The following FAM234A variants were observed in gnomAD, a reference collection of about 807,000 sequenced individuals.
FAM234A encodes family with sequence similarity 234 member A, also known as protein FAM234A.
A neutral mutation model predicts 49.1 loss-of-function variants in FAM234A; 42 were observed. That is an observed-to-expected ratio of 0.86 (90% CI 0.67 to 1.11). FAM234A has a LOEUF of 1.11. FAM234A is among the 50% of genes least tolerant of loss of function. FAM234A has a pLI of 0.00. For synonymous variants in FAM234A, 369 were observed against 316.2 expected (o/e 1.17, Z -1.77); for missense variants, 815 against 745.2 (o/e 1.09, Z -1.09).
intron 2 of FAM234A, among the ~76,000 whole-genome samples, chr16:250,909 T>C (rs536765083): frequency 5.9e-5 from 9 of 152,346 alleles, no homozygotes; most frequent in African/African-American, 1.9e-4. Context: ...GGTGTAATTA[T>C]GCACTGTATT....
intron 5 of FAM234A, 126 bp from the exon 6 acceptor site, chr16:261,258 C>T (rs1596839601): frequency 1.8e-6 from 2 of 1,083,664 alleles, no homozygotes; most frequent in East Asian, 4.8e-5. Flanking sequence ...TCTGAGTGTG[C>T]AGTGAGCCGT....
At chr16:256,585 T>G (rs1244396732) in intron 3 of FAM234A, among the ~76,000 whole-genome samples, 2 of 151,914 alleles carry the variant, frequency 1.3e-5, no homozygotes, top group East Asian at 3.8e-4. Context: ...TTATTTATTT[T>G]TTGAGATGGA....
At position 262,503 on chromosome 16, in the gene FAM234A, G is replaced by T; in HGVS notation, c.921G>T (p.Pro307=). 7 of 1,612,260 alleles carry T rather than the reference G, an allele frequency of 4.3e-6. No individual in the cohort carries two copies. The highest frequency in any genetic ancestry group is 5.1e-6 in the Non-Finnish European group (6 of 1,179,236). Residue 307 remains proline (P), a synonymous_variant, in exon 8 of 13, where the codon CCG becomes CCT. Transcript: ENST00000399932. The stretch of plus-strand genomic sequence containing the variant: ...GCGGCGGCCCGTTCAAGAGTGACCC[G>T]CACTGGGAGAGCATGCTCAATGCCA... ...TGSGGPFKSD[P]HWESMLNATT... is the part of the protein sequence containing the mutation.
At chr16:253,449 A>G (rs1021369645) in intron 2 of FAM234A, among the ~76,000 whole-genome samples, 10 of 152,056 alleles carry the variant, frequency 6.6e-5, no homozygotes, top group African/African-American at 2.4e-4. Context: ...ACTGTGTATC[A>G]TATGATCTTA....
chr16:262,470 G>T lies in FAM234A; in HGVS notation c.888G>T (p.Val296=). The change falls in exon 8 of 13, where the codon GTG becomes GTT. Residue 296 remains valine (V), a synonymous_variant. Transcript: ENST00000399932. The part of the protein sequence containing the change: ...GCSVKGLYEK[V]TGSGGPFKSD... The stretch of plus-strand genomic sequence containing the variant: ...CTGTGAAGGGTCTCTACGAGAAGGT[G>T]ACCGGGAGCGGCGGCCCGTTCAAGA... The T allele has an allele frequency of 1.2e-6, 2 of 1,612,346 alleles. No homozygotes were observed. Among genetic ancestry groups the T allele is most frequent in the Non-Finnish European group, 8.5e-7 (1 of 1,179,204 alleles).
chr16:248,912 C>T (rs910252019), intron 1 of FAM234A, among the ~76,000 whole-genome samples: 6 of 151,962 alleles, frequency 3.9e-5, no homozygotes, highest in African/African-American at 1.5e-4. Flanking sequence ...TGAGGCAGTG[C>T]ACCTGGCCCT....
intron 1 of FAM234A, among the ~76,000 whole-genome samples, chr16:237,643 T>C (rs2050449874): frequency 6.6e-6 from 1 of 151,930 alleles, no homozygotes; most frequent in Admixed American, 6.6e-5. Context: ...ATGGTAATTA[T>C]CTTCCCTTAG....
At position 254,653 on chromosome 16, in the gene FAM234A, A is replaced by C. The variant is rs2051159037; in HGVS notation, c.240A>C (p.Arg80=). The C allele has an allele frequency of 6.2e-7, 1 of 1,612,680 alleles. No homozygotes were observed. Among genetic ancestry groups the C allele is most frequent in the East Asian group, 2.2e-5 (1 of 44,780 alleles). ...IPCPDRPASQ[R]MWRIDYSAAV... ...GTCCAGACCGGCCGGCGTCACAGCG[A>C]ATGTGGAGGATAGACTACAGTGCCG... is the stretch of plus-strand genomic sequence containing the variant. The change falls in exon 3 of 13, where the codon CGA becomes CGC. Residue 80 remains arginine, a synonymous_variant. Coordinates refer to ENST00000399932, the MANE Select transcript of FAM234A (RefSeq NM_032039.4).
chr16:266,082 G>T lies in FAM234A; in HGVS notation c.*1060G>T. On this transcript the variant is annotated 3_prime_UTR_variant, in exon 13 of 13. Transcript: ENST00000399932. ...GGAAGAAAGCAGAATAAACATTTTT[G>T]CACTGCCTGAAAAACCCCGGTGGTC... 1.0e-6 allele frequency: 1 copy of T among 985,856 alleles called. No homozygotes were observed. The highest frequency in any genetic ancestry group is 1.2e-6 in the Non-Finnish European group (1 of 829,962). The allele number at this position is 985,856 out of a possible 1,614,324, so 61.1% of individuals were successfully genotyped here. A position where few individuals can be genotyped will look rare whatever the true frequency, so the allele number is the denominator to read the frequency against.
At chr16:251,578 A>G (rs1017253322) in intron 2 of FAM234A, among the ~76,000 whole-genome samples, 2 of 149,318 alleles carry the variant, frequency 1.3e-5, no homozygotes, top group African/African-American at 5.0e-5. Context: ...GAGTCTCGCC[A>G]CATTGCCCAG....
At chr16:250,952 A>ATGTTC (rs1555462185) in intron 2 of FAM234A, among the ~76,000 whole-genome samples, 2 of 152,084 alleles carry the variant, frequency 1.3e-5, no homozygotes, top group African/African-American at 2.4e-5. Flanking sequence ...ATCCATTCAT[A>ATGTTC]TGTTTTGTTT....
intron 11 of FAM234A, 25 bp downstream of exon 11, chr16:264,196 C>T (rs1054168734): frequency 1.9e-6 from 3 of 1,574,568 alleles, no homozygotes; most frequent in African/African-American, 2.7e-5. Flanking sequence ...CTCGGAGCAG[C>T]CATGCTGGGA....
At chr16:252,003 A>G (rs1256019085) in intron 2 of FAM234A, among the ~76,000 whole-genome samples, 1 of 121,494 alleles carries the variant, frequency 8.2e-6, no homozygotes, top group Non-Finnish European at 1.7e-5. Flanking sequence ...ACTCCGTCTC[A>G]AAAAAAAAAA....
intron 1 of FAM234A, among the ~76,000 whole-genome samples, chr16:238,899 A>T (rs1234921463): frequency 6.8e-6 from 1 of 147,268 alleles, no homozygotes; most frequent in African/African-American, 2.5e-5. Flanking sequence ...CCTGGCTAAC[A>T]TGGTGAAACC....
At chr16:252,020 A>AAG (rs1567215580) in intron 2 of FAM234A, among the ~76,000 whole-genome samples, 3 of 141,588 alleles carry the variant, frequency 2.1e-5, no homozygotes, top group African/African-American at 7.9e-5. Context: ...AAAAAAAAAA[A>AAG]AGAGATGGGT....
chr16:246,178 G>A (rs1268889714), intron 1 of FAM234A, among the ~76,000 whole-genome samples: 1 of 151,318 alleles, frequency 6.6e-6, no homozygotes, highest in Non-Finnish European at 1.5e-5. Context: ...TCACGCCATT[G>A]TACTCCCGCC....
At chr16:267,331 A>G (rs931406355), downstream of FAM234A, among the ~76,000 whole-genome samples, 6 of 152,070 alleles carry the variant, frequency 3.9e-5, no homozygotes, top group Non-Finnish European at 5.9e-5. Flanking sequence ...CAAAGACCAG[A>G]TGCCCCAAGT....
In FAM234A at chr16:264,622, G is replaced by T; in HGVS notation, c.1353G>T (p.Gly451=). 6.2e-7 allele frequency: 1 copy of T among 1,610,096 alleles called. No homozygotes were observed. Among genetic ancestry groups the T allele is most frequent in the Non-Finnish European group, 8.5e-7 (1 of 1,179,226 alleles). The change falls in exon 12 of 13, where the codon GGG becomes GGT. Residue 451 remains glycine (G), a synonymous_variant. Transcript: ENST00000399932. ...GCTGGTTCTCGCTCCAGGAGACCGGGGAGGCCCGGCACAGCCTGTACATGT... is the reference window on the plus strand; with the variant it reads ...GCTGGTTCTCGCTCCAGGAGACCGGTGAGGCCCGGCACAGCCTGTACATGT... The part of the protein sequence containing the change: ...ELGSTSETET[G]EARHSLYMFH...
intron 2 of FAM234A, among the ~76,000 whole-genome samples, chr16:252,220 C>T (rs1277092892): frequency 8.8e-5 from 12 of 137,048 alleles, no homozygotes; most frequent in African/African-American, 3.0e-4. Flanking sequence ...GTCTCACTGT[C>T]GCCCAGGCTG....
Sources: allele counts gnomAD v4.1 joint callset (sites outside exome capture counted in the v4.1 genomes callset), GRCh38; gene constraint gnomAD v4.1.1; transcripts MANE v1.5; gene names NCBI Gene and HGNC (gene_info 2026-07-23, HGNC 2026-07-21).